Variants in HYCC2 observed in about 807,000 individuals in gnomAD.
HYCC2 encodes the protein hyccin 2.
At chr2:201,001,009 A>C in the HYCC2 span, among the ~76,000 whole-genome samples, 1 of 151,662 alleles carries the variant, frequency 6.6e-6, no homozygotes, top group Non-Finnish European at 1.5e-5. Flanking sequence ...ACGGTGTTGC[A>C]CACCTGTAGT....
chr2:200,976,579 T>C, the HYCC2 span: 1 of 152,218 alleles, frequency 6.6e-6, no homozygotes, highest in South Asian at 2.1e-4. Flanking sequence ...AAAGAAGTTA[T>C]TCTCAGTATT....
At chr2:200,974,813 G>T in the HYCC2 span, 5 of 151,714 alleles carry the variant, frequency 3.3e-5, no homozygotes, top group Admixed American at 6.6e-5. Flanking sequence ...TTAAAAAAAT[G>T]AGTATTTTAG....
the HYCC2 span, chr2:200,992,225 C>G: frequency 9.4e-7 from 1 of 1,061,652 alleles, no homozygotes; most frequent in Non-Finnish European, 1.5e-6. Context: ...CATTTTTAAC[C>G]TAGTACCTTT....
the HYCC2 span, among the ~76,000 whole-genome samples, chr2:201,031,654 A>G: frequency 6.6e-6 from 1 of 152,288 alleles, no homozygotes; most frequent in Admixed American, 6.5e-5. Context: ...TGTCTCAAAA[A>G]ACAAACAAAC....
chr2:201,005,543 C>G, the HYCC2 span, among the ~76,000 whole-genome samples: 1 of 152,172 alleles, frequency 6.6e-6, no homozygotes, highest in African/African-American at 2.4e-5. Flanking sequence ...TTCCTAAAGG[C>G]CTGATGGGCT....
chr2:201,053,309 AGCGGG>A, the HYCC2 span, among the ~76,000 whole-genome samples: 1 of 152,030 alleles, frequency 6.6e-6, no homozygotes, highest in Non-Finnish European at 1.5e-5. Context: ...TTTTAGTAGA[AGCGGG>A]GTTTCACCAT....
At chr2:200,987,474 G>A in the HYCC2 span, 58 of 1,289,708 alleles carry the variant, frequency 4.5e-5, no homozygotes, top group Non-Finnish European at 5.6e-5. Flanking sequence ...CAGTGGAGCC[G>A]TGTTGGATCG....
chr2:201,062,722 A>G, the HYCC2 span, among the ~76,000 whole-genome samples: 1 of 149,932 alleles, frequency 6.7e-6, no homozygotes, highest in African/African-American at 2.5e-5. Flanking sequence ...AGAGGCAGAG[A>G]TGGGAGGATC....
At chr2:200,984,641 T>C in the HYCC2 span, among the ~76,000 whole-genome samples, 2 of 152,208 alleles carry the variant, frequency 1.3e-5, no homozygotes, top group Non-Finnish European at 2.9e-5. Context: ...TCCCAACATT[T>C]TGGGAAGCCA....
chr2:200,974,579 A>C, the HYCC2 span: 2 of 151,884 alleles, frequency 1.3e-5, no homozygotes, highest in East Asian at 1.9e-4. Flanking sequence ...ACAAACAAAC[A>C]AACCCCCCCA....
chr2:201,021,672 A>G, the HYCC2 span: 1 of 184,494 alleles, frequency 5.4e-6, no homozygotes, highest in Non-Finnish European at 1.1e-5. Context: ...ACCACTGCCC[A>G]TGAAGAGCTT....
At chr2:201,063,545 T>C in the HYCC2 span, 1 of 1,588,232 alleles carries the variant, frequency 6.3e-7, no homozygotes, top group Non-Finnish European at 8.5e-7. Context: ...CTTTGTAACC[T>C]TTGATGACCA....
chr2:201,021,186 C>T, the HYCC2 span, among the ~76,000 whole-genome samples: 2 of 152,002 alleles, frequency 1.3e-5, no homozygotes, highest in African/African-American at 4.8e-5. Flanking sequence ...TTAAAAGGGA[C>T]CTCCTTCTAT....
chr2:201,054,364 A>G, the HYCC2 span, among the ~76,000 whole-genome samples: 1 of 152,224 alleles, frequency 6.6e-6, no homozygotes, highest in Non-Finnish European at 1.5e-5. Flanking sequence ...AAATGACTTG[A>G]GTCCTGAGAG....
chr2:201,071,519 A>G, the HYCC2 span: 1 of 152,280 alleles, frequency 6.6e-6, no homozygotes, highest in Non-Finnish European at 1.5e-5. Context: ...CACCCTCGCC[A>G]GCTCCCGTCT....
chr2:200,992,980 C>T, the HYCC2 span: 20 of 1,613,148 alleles, frequency 1.2e-5, no homozygotes, highest in Admixed American at 3.3e-5. Context: ...TTCATGTTGC[C>T]GTGGAAAGCC....
the HYCC2 span, among the ~76,000 whole-genome samples, chr2:200,998,431 C>G: frequency 6.6e-6 from 1 of 152,084 alleles, no homozygotes; most frequent in Non-Finnish European, 1.5e-5. Context: ...TAAAGTAAAC[C>G]AGTCCCTTAC....
chr2:201,056,463 T>C, the HYCC2 span, among the ~76,000 whole-genome samples: 1 of 151,986 alleles, frequency 6.6e-6, no homozygotes, highest in African/African-American at 2.4e-5. Flanking sequence ...TCACCTGAGG[T>C]TGGGAGTTCG....
the HYCC2 span, among the ~76,000 whole-genome samples, chr2:201,023,151 C>A: frequency 5.9e-5 from 9 of 152,100 alleles, no homozygotes; most frequent in Non-Finnish European, 1.0e-4. Context: ...GAGTTCAAGA[C>A]CAGCCTGGCC....
Sources: allele counts gnomAD v4.1 joint callset (sites outside exome capture counted in the v4.1 genomes callset), GRCh38; gene constraint gnomAD v4.1.1; transcripts MANE v1.5; gene names NCBI Gene and HGNC (gene_info 2026-07-23, HGNC 2026-07-21).